The following LANCL2 variants were observed in gnomAD, a reference collection of about 807,000 sequenced individuals.
LANCL2 encodes lanC-like protein 2.
In LANCL2, 33 loss-of-function variants were observed where a neutral mutation model predicts 56.9. The observed-to-expected ratio is 0.58, with a 90% CI of 0.44 to 0.78. The LOEUF is 0.78. Among genes scored for constraint, LANCL2 ranks in the 30% least tolerant of loss-of-function variants. The probability of loss-of-function intolerance (pLI) is 0.00; values close to 1 mark genes in which losing one functional copy is unlikely to be tolerated. For missense variants in LANCL2, 562 were observed against 580.2 expected (o/e 0.97, Z 0.32); for synonymous variants, 233 against 228.2 (o/e 1.02, Z -0.19).
intron 6 of LANCL2, among the ~76,000 whole-genome samples, chr7:55,423,642 C>T (rs555790080): frequency 3.9e-5 from 6 of 152,356 alleles, no homozygotes; most frequent in Admixed American, 2.6e-4. Context: ...TTCCCATGTG[C>T]CAGGCACTGT....
intron 2 of LANCL2, among the ~76,000 whole-genome samples, chr7:55,393,861 A>T (rs1233364681): frequency 6.6e-6 from 1 of 152,248 alleles, no homozygotes; most frequent in Non-Finnish European, 1.5e-5. Flanking sequence ...AAAATTAGAT[A>T]ATTGTGGCTA....
At chr7:55,376,861 A>G (rs532234322) in intron 1 of LANCL2, among the ~76,000 whole-genome samples, 2 of 152,312 alleles carry the variant, frequency 1.3e-5, no homozygotes, top group East Asian at 3.9e-4. Flanking sequence ...GGAAAGCATT[A>G]TTTGTTTTTC....
At chr7:55,376,921 A>C (rs1471405407) in intron 1 of LANCL2, among the ~76,000 whole-genome samples, 4 of 152,202 alleles carry the variant, frequency 2.6e-5, no homozygotes, top group African/African-American at 9.7e-5. Context: ...TCTACATTTT[A>C]TTTCTTTCTT....
chr7:55,373,947 C>G (rs995423995), intron 1 of LANCL2, among the ~76,000 whole-genome samples: 1 of 152,102 alleles, frequency 6.6e-6, no homozygotes, highest in South Asian at 2.1e-4. Flanking sequence ...TATAACAAAC[C>G]GAGTTTCTTT....
chr7:55,430,290 A>G (rs1364575386), intron 8 of LANCL2, among the ~76,000 whole-genome samples: 1 of 152,262 alleles, frequency 6.6e-6, no homozygotes, highest in Non-Finnish European at 1.5e-5. Context: ...TGTACTGTTC[A>G]GCAGTAAGAA....
At position 55,431,379 on chromosome 7, in the gene LANCL2, T is replaced by C; in HGVS notation, c.*59T>C. ...GACCAAAAGCCACCAGATTGCTTAG[T>C]GCCTGACACAGAAACAACTGGGAAT... On this transcript the variant is annotated 3_prime_UTR_variant, in exon 9 of 9. Coordinates refer to ENST00000254770, the MANE Select transcript of LANCL2 (RefSeq NM_018697.4). 1 of 1,187,550 alleles carries C rather than the reference T, an allele frequency of 8.4e-7. No homozygotes were observed. Among genetic ancestry groups the C allele is most frequent in the Admixed American group, 2.0e-5 (1 of 49,458 alleles). The allele number at this position is 1,187,550 out of a possible 1,614,324, so 73.6% of individuals were successfully genotyped here. A position where few individuals can be genotyped will look rare whatever the true frequency, so the allele number is the denominator to read the frequency against.
chr7:55,423,376 C>T (rs549801676), intron 6 of LANCL2, among the ~76,000 whole-genome samples: 1 of 152,306 alleles, frequency 6.6e-6, no homozygotes, highest in African/African-American at 2.4e-5. Context: ...CCATCACTCA[C>T]CCAGGCTCCA....
At chr7:55,377,273 A>G (rs981948007) in intron 1 of LANCL2, among the ~76,000 whole-genome samples, 2 of 152,340 alleles carry the variant, frequency 1.3e-5, no homozygotes, top group African/African-American at 4.8e-5. Flanking sequence ...CAAATGACAA[A>G]TTAGGAAATA....
At chr7:55,410,306 A>G (rs1436720914) in intron 5 of LANCL2, among the ~76,000 whole-genome samples, 2 of 152,252 alleles carry the variant, frequency 1.3e-5, no homozygotes, top group African/African-American at 2.4e-5. Context: ...TTAATGACCT[A>G]TAGTTTTTAA....
At chr7:55,427,661 G>C (rs1790679465) in intron 7 of LANCL2, among the ~76,000 whole-genome samples, 1 of 152,216 alleles carries the variant, frequency 6.6e-6, no homozygotes, top group Non-Finnish European at 1.5e-5. Flanking sequence ...ATTGGGAGGG[G>C]AAAAGCAGAG....
At chr7:55,383,930 C>G (rs1221915199) in intron 1 of LANCL2, among the ~76,000 whole-genome samples, 1 of 152,152 alleles carries the variant, frequency 6.6e-6, no homozygotes, top group East Asian at 1.9e-4. Context: ...AGGTTAGAAG[C>G]AAGATAGAGT....
intron 2 of LANCL2, among the ~76,000 whole-genome samples, chr7:55,393,294 A>G (rs1790212988): frequency 6.6e-6 from 1 of 152,206 alleles, no homozygotes; most frequent in Non-Finnish European, 1.5e-5. Flanking sequence ...GCACTTTGGG[A>G]GGCCAAAGAC....
intron 6 of LANCL2, 56 bp downstream of exon 6, chr7:55,412,145 C>A: frequency 6.5e-7 from 1 of 1,545,682 alleles, no homozygotes; most frequent in Non-Finnish European, 8.8e-7. Context: ...GTTTCCCTGT[C>A]AGGTTTTGGG....
intron 1 of LANCL2, among the ~76,000 whole-genome samples, chr7:55,381,700 AAAAC>A (rs1425395445): frequency 1.3e-5 from 2 of 152,234 alleles, no homozygotes; most frequent in African/African-American, 4.8e-5. Context: ...TAACAAGAGA[AAAAC>A]AAATAAGTGT....
intron 1 of LANCL2, among the ~76,000 whole-genome samples, chr7:55,369,728 A>G (rs917022935): frequency 5.9e-5 from 9 of 152,150 alleles, no homozygotes; most frequent in Non-Finnish European, 1.2e-4. Flanking sequence ...CTGATGTTCA[A>G]GTCCAACCAG....
chr7:55,417,010 C>T (rs1340633921), intron 6 of LANCL2, among the ~76,000 whole-genome samples: 5 of 116,562 alleles, frequency 4.3e-5, no homozygotes, highest in Admixed American at 3.3e-4. Flanking sequence ...GACAGAGTCT[C>T]ACTCTGTCGC....
intron 1 of LANCL2, among the ~76,000 whole-genome samples, chr7:55,367,818 C>T (rs1374467813): frequency 6.6e-6 from 1 of 152,170 alleles, no homozygotes; most frequent in African/African-American, 2.4e-5. Context: ...TAGCAAACTG[C>T]CTGATGTGGT....
chr7:55,375,400 T>C lies in LANCL2; in HGVS notation c.204+9171T>C, dbSNP rs534551102. ...CCCATGGCATTCTCCTAAATGCATT[T>C]TAAATACCATCTCTGTCCTTCAGCA... is the stretch of plus-strand genomic sequence containing the variant. On this transcript the variant is annotated intron_variant, in intron 1 of 8. Coordinates refer to ENST00000254770, the MANE Select transcript of LANCL2 (RefSeq NM_018697.4). Among the ~76,000 whole-genome samples, 13 of 152,346 alleles carry C rather than the reference T, an allele frequency of 8.5e-5. No homozygotes were observed. In the East Asian group the frequency reaches 2.5e-3, roughly 29 times the overall value.
At chr7:55,422,708 CCAGT>C (rs1394900659) in intron 6 of LANCL2, among the ~76,000 whole-genome samples, 5 of 152,206 alleles carry the variant, frequency 3.3e-5, no homozygotes, top group African/African-American at 1.2e-4. Context: ...TTAAACCCAC[CCAGT>C]GAGTTTTGTA....
Sources: allele counts gnomAD v4.1 joint callset (sites outside exome capture counted in the v4.1 genomes callset), GRCh38; gene constraint gnomAD v4.1.1; transcripts MANE v1.5; gene names NCBI Gene and HGNC (gene_info 2026-07-23, HGNC 2026-07-21).